The following CCDC97 variants were observed in gnomAD, a reference collection of about 807,000 sequenced individuals.
CCDC97 encodes the protein coiled-coil domain-containing protein 97.
CCDC97 carries 27 observed loss-of-function variants against 33.9 expected under a neutral mutation model. The observed-to-expected ratio is 0.80, with a 90% CI of 0.59 to 1.10. CCDC97 has a LOEUF of 1.10. CCDC97 is among the 50% of genes least tolerant of loss of function. The pLI is 0.00. For missense variants in CCDC97, 422 were observed against 476.6 expected, an observed-to-expected ratio of 0.89 and a Z score of 1.07; for synonymous variants, 217 against 194.0, an observed-to-expected ratio of 1.12 and a Z score of -0.99.
At chr19:41,322,038 T>A (rs1334577886) in intron 4 of CCDC97, among the ~76,000 whole-genome samples, 1 of 152,244 alleles carries the variant, frequency 6.6e-6, no homozygotes, top group Admixed American at 6.5e-5. Flanking sequence ...AGCCACTGCC[T>A]GCTTGAGAAT....
At chr19:41,317,795 A>T (rs1183163280) in intron 2 of CCDC97, among the ~76,000 whole-genome samples, 1 of 151,502 alleles carries the variant, frequency 6.6e-6, no homozygotes, top group Non-Finnish European at 1.5e-5. Context: ...CAAGCCGGTG[A>T]TCCCAGCACT....
In CCDC97 at chr19:41,319,564, C is replaced by T. The variant is rs1306059599; in HGVS notation, c.503-10C>T. On this transcript the variant is annotated splice_polypyrimidine_tract_variant and intron_variant, in intron 2 of 4. Transcript: ENST00000269967. ...TCACCCCATGCCCACCCTGTCTCTC[C>T]TCTGTGCAGGGGGCGAGTACTTCAG... is the stretch of plus-strand genomic sequence containing the variant. 17 of 1,575,750 alleles carry T rather than the reference C, an allele frequency of 1.1e-5. No homozygotes were observed. The highest frequency in any genetic ancestry group is 1.4e-5 in the Non-Finnish European group (16 of 1,155,014).
chr19:41,310,220 A>T lies in CCDC97; in HGVS notation c.-91A>T. Reference sequence around the variant, plus strand: ...GCGCAGCGGTGCACCCGGACCCGGAACATTCTCAGGCGAAAGTGTCTCTTG... The same window carrying T: ...GCGCAGCGGTGCACCCGGACCCGGATCATTCTCAGGCGAAAGTGTCTCTTG... On this transcript the variant is annotated 5_prime_UTR_variant, in exon 1 of 5. Coordinates refer to ENST00000269967, the MANE Select transcript of CCDC97 (RefSeq NM_052848.3). 6.5e-7 allele frequency: 1 copy of T among 1,528,746 alleles called. No homozygotes were observed. Among genetic ancestry groups the T allele is most frequent in the South Asian group, 1.2e-5 (1 of 83,602 alleles). The allele number at this position is 1,528,746 out of a possible 1,614,324, so 94.7% of individuals were successfully genotyped here. A position where few individuals can be genotyped will look rare whatever the true frequency, so the allele number is the denominator to read the frequency against.
intron 1 of CCDC97, among the ~76,000 whole-genome samples, chr19:41,312,946 A>AT (rs1382829429): frequency 6.6e-6 from 1 of 151,694 alleles, no homozygotes; most frequent in East Asian, 1.9e-4. Flanking sequence ...CACCTGGCTA[A>AT]TTTTTTGTAT....
intron 1 of CCDC97, among the ~76,000 whole-genome samples, chr19:41,314,518 T>G (rs1467918682): frequency 3.3e-5 from 5 of 152,224 alleles, no homozygotes; most frequent in African/African-American, 1.2e-4. Flanking sequence ...GTAAACAAAT[T>G]AGCAAATGTA....
Position 41,323,035 on chromosome 19 carries a change from C to T in CCDC97, c.*320C>T, listed in dbSNP as rs900079017. On this transcript the variant is annotated 3_prime_UTR_variant, in exon 5 of 5. Coordinates refer to ENST00000269967, the MANE Select transcript of CCDC97 (RefSeq NM_052848.3). ...TCTTTCCAGTGCTCTGGCTGGCTGT[C>T]TCTCCCTTTCTCCCCCTCTCTCTCT... 3.6e-5 allele frequency: 7 copies of T among 197,126 alleles called. No individual in the cohort carries two copies. The highest frequency in any genetic ancestry group is 2.3e-4 in the South Asian group (3 of 12,948). The allele number at this position is 197,126 out of a possible 1,614,324, so 12.2% of individuals were successfully genotyped here. A position where few individuals can be genotyped will look rare whatever the true frequency, so the allele number is the denominator to read the frequency against.
rs554357218 is a variant in CCDC97, at chr19:41,311,898, CA to C, written c.46+1550del. On this transcript the variant is annotated intron_variant, in intron 1 of 4. Transcript: ENST00000269967. Reference sequence around the variant, plus strand: ...TGAGCAACAGAGCAAGACCCTGTTTCAAAAAAAAGAAAAAAAATTTGTCTCT... The same window carrying C: ...TGAGCAACAGAGCAAGACCCTGTTTCAAAAAAAGAAAAAAAATTTGTCTCT... Among the ~76,000 whole-genome samples the C allele has an allele frequency of 7.2e-4, 109 of 151,638 alleles. 1 individual carries two copies. Among genetic ancestry groups the C allele is most frequent in the African/African-American group, 2.6e-3 (109 of 41,372 alleles).
chr19:41,319,905 C>G lies in CCDC97; in HGVS notation c.781+53C>G, dbSNP rs1050551353. ...GATTCCAGACACCCCAGCCCTAGGC[C>G]TGTCTGTCTCCACTTCATGGCAGCA... On this transcript the variant is annotated intron_variant, in intron 3 of 4. Coordinates refer to ENST00000269967, the MANE Select transcript of CCDC97 (RefSeq NM_052848.3). The G allele has an allele frequency of 4.7e-6, 4 of 847,182 alleles. No homozygotes were observed. In the African/African-American group the frequency reaches 6.8e-5, roughly 14 times the overall value. The allele number at this position is 847,182 out of a possible 1,614,324, so 52.5% of individuals were successfully genotyped here.
At chr19:41,318,881 A>C (rs1243162125) in intron 2 of CCDC97, among the ~76,000 whole-genome samples, 1 of 151,968 alleles carries the variant, frequency 6.6e-6, no homozygotes, top group Non-Finnish European at 1.5e-5. Context: ...TGCCAAATCC[A>C]CGTGGATGTA....
chr19:41,322,230 G>A (rs1319493460), intron 4 of CCDC97, among the ~76,000 whole-genome samples: 1 of 152,158 alleles, frequency 6.6e-6, no homozygotes, highest in Non-Finnish European at 1.5e-5. Flanking sequence ...AGTAAGCTGG[G>A]ACTACAGGTG....
At chr19:41,321,759 C>T (rs148196646) in intron 4 of CCDC97, among the ~76,000 whole-genome samples, 14 of 152,302 alleles carry the variant, frequency 9.2e-5, no homozygotes, top group Non-Finnish European at 1.8e-4. Context: ...CCAGCAGCAC[C>T]AAGGGGCAGA....
At position 41,319,856 on chromosome 19, in the gene CCDC97, A is replaced by G. The variant is rs781301985; in HGVS notation, c.781+4A>G. Reference sequence around the variant, plus strand: ...GAGGAGGACAGTGACGAGGAAGGTGAGGGCCAGTAGCAGGAAGACCCCAGA... The same window carrying G: ...GAGGAGGACAGTGACGAGGAAGGTGGGGGCCAGTAGCAGGAAGACCCCAGA... On this transcript the variant is annotated splice_donor_region_variant and intron_variant, in intron 3 of 4. Transcript: ENST00000269967. 18 of 1,383,196 alleles carry G rather than the reference A, an allele frequency of 1.3e-5. No individual in the cohort carries two copies. The highest frequency in any genetic ancestry group is 1.8e-5 in the Non-Finnish European group (18 of 994,000). The allele number at this position is 1,383,196 out of a possible 1,614,324, so 85.7% of individuals were successfully genotyped here. A position where few individuals can be genotyped will look rare whatever the true frequency, so the allele number is the denominator to read the frequency against.
At chr19:41,317,802 C>T (rs906215978) in intron 2 of CCDC97, among the ~76,000 whole-genome samples, 1 of 151,196 alleles carries the variant, frequency 6.6e-6, no homozygotes, top group Admixed American at 6.6e-5. Context: ...GTGATCCCAG[C>T]ACTTTGGGAG....
In CCDC97 at chr19:41,310,455, GA is replaced by G. The variant is rs1599870162; in HGVS notation, c.46+100del. 4.6e-6 allele frequency: 7 copies of G among 1,526,762 alleles called. No individual in the cohort carries two copies. In the South Asian group the frequency reaches 8.4e-5, roughly 18 times the overall value. 94.6% of individuals were successfully genotyped at this position (1,526,762 alleles called of 1,614,324 possible). On this transcript the variant is annotated intron_variant, in intron 1 of 4. Transcript: ENST00000269967. ...CGCGAAGTAGGACTCGTTTTAGGGG[GA>G]CACCCACCCCCCTCAGCTTTACCGG...
intron 3 of CCDC97, 127 bp from the exon 4 acceptor site, chr19:41,320,214 C>A: frequency 1.6e-6 from 2 of 1,233,978 alleles, no homozygotes; most frequent in Non-Finnish European, 2.3e-6. Context: ...CCATCTCTGT[C>A]ACTAGTGTGT....
chr19:41,322,952 G>A lies in CCDC97; in HGVS notation c.*237G>A. The A allele has an allele frequency of 2.7e-6, 1 of 368,464 alleles. No individual in the cohort carries two copies. The highest frequency in any genetic ancestry group is 3.7e-5 in the South Asian group (1 of 27,014). 22.8% of individuals were successfully genotyped at this position (368,464 alleles called of 1,614,324 possible). ...CCTGCCTCTGTCTTTCTTGGTGTCTGTCTGGGCTTCTTTCTGTCTCTTTCT... is the reference window on the plus strand; with the variant it reads ...CCTGCCTCTGTCTTTCTTGGTGTCTATCTGGGCTTCTTTCTGTCTCTTTCT... On this transcript the variant is annotated 3_prime_UTR_variant, in exon 5 of 5. Coordinates refer to ENST00000269967, the MANE Select transcript of CCDC97 (RefSeq NM_052848.3).
intron 1 of CCDC97, among the ~76,000 whole-genome samples, chr19:41,315,743 T>C (rs2037738504): frequency 6.6e-6 from 1 of 152,054 alleles, no homozygotes; most frequent in Non-Finnish European, 1.5e-5. Context: ...TGAACCATGG[T>C]TGTGCCATTG....
chr19:41,313,274 G>A (rs1473442262), intron 1 of CCDC97, among the ~76,000 whole-genome samples: 1 of 152,030 alleles, frequency 6.6e-6, no homozygotes, highest in Non-Finnish European at 1.5e-5. Flanking sequence ...TTCTTGTCTT[G>A]ATTCTGATGA....
chr19:41,317,137 T>C (rs940478556), intron 2 of CCDC97, among the ~76,000 whole-genome samples: 6 of 152,176 alleles, frequency 3.9e-5, no homozygotes, highest in African/African-American at 1.4e-4. Context: ...GCTGTGATAA[T>C]TGGTCATACC....
Sources: allele counts gnomAD v4.1 joint callset (sites outside exome capture counted in the v4.1 genomes callset), GRCh38; gene constraint gnomAD v4.1.1; transcripts MANE v1.5; gene names NCBI Gene and HGNC (gene_info 2026-07-23, HGNC 2026-07-21).